POU3F3: variants seen among roughly 807,000 people sequenced by gnomAD.
The protein encoded by POU3F3 is POU class 3 homeobox 3, also known as POU domain, class 3, transcription factor 3.
Under a neutral mutation model 8.6 loss-of-function variants are expected in POU3F3, and 1 was observed. The ratio of observed to expected loss-of-function variants is 0.12; its 90% CI spans 0.04 to 0.55. The LOEUF is 0.55. POU3F3 is among the 20% of genes least tolerant of loss of function. The pLI, the probability that POU3F3 is intolerant of heterozygous loss-of-function variation, is 0.91. For synonymous variants in POU3F3, 418 were observed against 327.4 expected (o/e 1.28, Z -2.99); for missense variants, 577 against 690.7 (o/e 0.84, Z 1.84).
chr2:104,859,876 T>G (rs1470148551), downstream of POU3F3, among the ~76,000 whole-genome samples: 1 of 151,992 alleles, frequency 6.6e-6, no homozygotes, highest in Admixed American at 6.6e-5. Flanking sequence ...CCCAGCAAAT[T>G]TACAACCTGG....
At chr2:104,868,378 G>T in the POU3F3 span, 1 of 456,720 alleles carries the variant, frequency 2.2e-6, no homozygotes, top group Non-Finnish European at 4.4e-6. Flanking sequence ...CAAAGTGGGT[G>T]GTGAGAACAC....
At chr2:104,918,872 T>C in the POU3F3 span, among the ~76,000 whole-genome samples, 1 of 144,086 alleles carries the variant, frequency 6.9e-6, no homozygotes, top group South Asian at 2.2e-4. Flanking sequence ...CGCTCACTCA[T>C]GAAAACACTT....
At chr2:104,886,774 G>T in the POU3F3 span, among the ~76,000 whole-genome samples, 1 of 152,032 alleles carries the variant, frequency 6.6e-6, no homozygotes, top group African/African-American at 2.4e-5. Context: ...TGGGTGTGAT[G>T]GTGCATGCCT....
At chr2:104,896,301 T>C in the POU3F3 span, among the ~76,000 whole-genome samples, 1 of 152,200 alleles carries the variant, frequency 6.6e-6, no homozygotes, top group African/African-American at 2.4e-5. Context: ...GGGGGAATGA[T>C]GGCCCCAGCC....
the POU3F3 span, among the ~76,000 whole-genome samples, chr2:104,869,297 A>AG: frequency 6.6e-6 from 1 of 152,216 alleles, no homozygotes; most frequent in African/African-American, 2.4e-5. Context: ...AGGCCCACCT[A>AG]GGGGAATGTC....
the POU3F3 span, among the ~76,000 whole-genome samples, chr2:104,877,502 C>T: frequency 6.6e-6 from 1 of 151,982 alleles, no homozygotes; most frequent in Non-Finnish European, 1.5e-5. Flanking sequence ...CTAATGCCAC[C>T]CATATTTACA....
chr2:104,869,128 G>A, the POU3F3 span, among the ~76,000 whole-genome samples: 4 of 152,372 alleles, frequency 2.6e-5, no homozygotes, highest in Middle Eastern at 0.01. Context: ...CCTCCCTAGG[G>A]ACAAGCCCTT....
At chr2:104,859,687 T>C (rs1676633253), downstream of POU3F3, among the ~76,000 whole-genome samples, 2 of 152,204 alleles carry the variant, frequency 1.3e-5, no homozygotes, top group African/African-American at 4.8e-5. Flanking sequence ...TGGCCATGTA[T>C]TGGGTTGCAT....
At chr2:104,879,894 A>G in the POU3F3 span, among the ~76,000 whole-genome samples, 1 of 152,234 alleles carries the variant, frequency 6.6e-6, no homozygotes, top group Non-Finnish European at 1.5e-5. Flanking sequence ...AACTTAACTG[A>G]GAACTTCAAA....
the POU3F3 span, among the ~76,000 whole-genome samples, chr2:104,879,136 A>T: frequency 2.6e-5 from 4 of 152,040 alleles, no homozygotes; most frequent in East Asian, 7.7e-4. Context: ...GTACACACGT[A>T]ATCTTCAGTA....
chr2:104,862,629 G>C (rs1253412120), downstream of POU3F3, among the ~76,000 whole-genome samples: 1 of 152,206 alleles, frequency 6.6e-6, no homozygotes, highest in Non-Finnish European at 1.5e-5. Flanking sequence ...GCACGGCCGG[G>C]CGGCCAGACT....
chr2:104,917,265 G>A, the POU3F3 span, among the ~76,000 whole-genome samples: 997 of 152,286 alleles, frequency 6.5e-3, 5 homozygotes, highest in Admixed American at 0.012. Flanking sequence ...GCATAGATAC[G>A]TATGGCTCTA....
Position 104,854,232 on chromosome 2 carries a change from G to A in POU3F3, c.-1279G>A, listed in dbSNP as rs1015660487. On this transcript the variant is annotated 5_prime_UTR_variant, in exon 1 of 1. Coordinates refer to ENST00000361360, the MANE Select transcript of POU3F3 (RefSeq NM_006236.3). This position sits in a 1 kb window ranked among gnomAD's most constrained non-coding sequence, Gnocchi z 4.5. The stretch of plus-strand genomic sequence containing the variant: ...GGAGGGAGAGGAAAAGTGAGAGAGG[G>A]AAAGAGAGCGCGAACGAGGGCGCAG... Among the ~76,000 whole-genome samples the A allele has an allele frequency of 2.0e-5, 3 of 152,102 alleles. No individual in the cohort carries two copies. The highest frequency in any genetic ancestry group is 4.4e-5 in the Non-Finnish European group (3 of 68,000).
downstream of POU3F3, among the ~76,000 whole-genome samples, chr2:104,861,300 G>A (rs1287126067): frequency 6.6e-6 from 1 of 152,190 alleles, no homozygotes; most frequent in East Asian, 1.9e-4. Context: ...CCAAGTTCCA[G>A]GGTAATTAAT....
chr2:104,856,976 C>T lies in POU3F3; in HGVS notation c.1466C>T (p.Pro489Leu). 6.2e-7 allele frequency: 1 copy of T among 1,610,172 alleles called. No individual in the cohort carries two copies. The highest frequency in any genetic ancestry group is 8.5e-7 in the Non-Finnish European group (1 of 1,179,010). ...GTGGGCACCGTGAGCGCCGACACGC[C>T]GCCGCCTCACCACGGGCTGCAGACG... is the stretch of plus-strand genomic sequence containing the variant. ...SQVGTVSADT[P>L]PPHHGLQTSV... The change falls in exon 1 of 1, where the codon CCG becomes CTG. Residue 489 changes from proline (P) to leucine (L), a missense_variant. Transcript: ENST00000361360.
the POU3F3 span, among the ~76,000 whole-genome samples, chr2:104,910,320 C>T: frequency 2.6e-5 from 4 of 152,060 alleles, no homozygotes; most frequent in Non-Finnish European, 5.9e-5. Context: ...CTCTTTGGCT[C>T]CCCTAAGACT....
the POU3F3 span, among the ~76,000 whole-genome samples, chr2:104,883,727 C>G: frequency 6.6e-6 from 1 of 152,176 alleles, no homozygotes; most frequent in Non-Finnish European, 1.5e-5. Context: ...ATATTGTGTT[C>G]TGAAGTTGCA....
chr2:104,855,840 TGCCGCCGCCGCCGCCGTG>T lies in POU3F3; in HGVS notation c.332_349del (p.Ala111_Val116del). 9.3e-7 allele frequency: 1 copy of T among 1,075,034 alleles called. No individual in the cohort carries two copies. Among genetic ancestry groups the T allele is most frequent in the Non-Finnish European group, 1.1e-6 (1 of 895,250 alleles). The allele number at this position is 1,075,034 out of a possible 1,614,324, so 66.6% of individuals were successfully genotyped here. On this transcript the variant is annotated inframe_deletion, in exon 1 of 1. Transcript: ENST00000361360. ...CCCACGCCGCCGCCGCCGCCGCCGCTGCCGCCGCCGCCGCCGTGGAGGCGAGCTCGCCGTGGTCGGGCA... is the reference window on the plus strand; with the variant it reads ...CCCACGCCGCCGCCGCCGCCGCCGCTGAGGCGAGCTCGCCGTGGTCGGGCA...
rs754507182 is a variant in POU3F3, at chr2:104,854,120, A to G, written c.-1391A>G. Among the ~76,000 whole-genome samples, 1 of 152,092 alleles carries G rather than the reference A, an allele frequency of 6.6e-6. No individual in the cohort carries two copies. Among genetic ancestry groups the G allele is most frequent in the Non-Finnish European group, 1.5e-5 (1 of 68,012 alleles). On this transcript the variant is annotated 5_prime_UTR_variant, in exon 1 of 1. Transcript: ENST00000361360. The surrounding 1 kb of genome is among the most constrained non-coding windows in gnomAD (Gnocchi z 4.5). ...GCTCGCGGCGGAGGGTAAACATTCG[A>G]CAGTCCCCGCTCTGAGAGGGAGGGA...
Sources: gnomAD v4.1 joint callset for allele counts (sites outside exome capture counted in the v4.1 genomes callset) on GRCh38, gnomAD v4.1.1 for gene constraint, Gnocchi (gnomAD v3.1) non-coding constraint, MANE v1.5 for transcripts, NCBI Gene and HGNC (gene_info 2026-07-23, HGNC 2026-07-21) for gene names.